Variants in ADARB1 observed in about 807,000 individuals in gnomAD.
ADARB1 encodes double-stranded RNA-specific editase 1.
A neutral mutation model predicts 52.4 loss-of-function variants in ADARB1; 10 were observed. The ratio of observed to expected loss-of-function variants is 0.19; its 90% CI spans 0.12 to 0.32. The LOEUF (loss-of-function observed/expected upper bound fraction) is 0.32, where lower values mean the gene tolerates loss of function less well. Among genes scored for constraint, ADARB1 ranks in the 10% least tolerant of loss-of-function variants. The probability of loss-of-function intolerance (pLI) is 1.00; values close to 1 mark genes in which losing one functional copy is unlikely to be tolerated. For synonymous variants in ADARB1, 349 were observed against 371.1 expected (o/e 0.94, Z 0.68); for missense variants, 643 against 922.3 (o/e 0.70, Z 3.92).
In ADARB1 at chr21:45,224,462, G is replaced by A. The variant is rs2093021346; in HGVS notation, c.*2265G>A. 2 of 854,122 alleles carry A rather than the reference G, an allele frequency of 2.3e-6. No homozygotes were observed. Among genetic ancestry groups the A allele is most frequent in the African/African-American group, 8.9e-5 (2 of 22,422 alleles). The allele number at this position is 854,122 out of a possible 1,614,324, so 52.9% of individuals were successfully genotyped here. A position where few individuals can be genotyped will look rare whatever the true frequency, so the allele number is the denominator to read the frequency against. On this transcript the variant is annotated 3_prime_UTR_variant, in exon 11 of 11. Transcript: ENST00000348831. ...CCCAAGCCGTCCAGGCAGGAGGAAG[G>A]CAGCCAAGGCAACTGGGTTCTGGGA... is the stretch of plus-strand genomic sequence containing the variant.
At position 45,224,270 on chromosome 21, in the gene ADARB1, C is replaced by T. The variant is rs1345088486; in HGVS notation, c.*2073C>T. 3 of 985,222 alleles carry T rather than the reference C, an allele frequency of 3.0e-6. No individual in the cohort carries two copies. Among genetic ancestry groups the T allele is most frequent in the Non-Finnish European group, 3.6e-6 (3 of 829,926 alleles). 61.0% of individuals were successfully genotyped at this position (985,222 alleles called of 1,614,324 possible). A position where few individuals can be genotyped will look rare whatever the true frequency, so the allele number is the denominator to read the frequency against. On this transcript the variant is annotated 3_prime_UTR_variant, in exon 11 of 11. Transcript: ENST00000348831. ...AACTACCCGGTATGTCTGGCTTTTC[C>T]CTTCTGTCAGGTAATAGCTAAAGTC...
intron 1 of ADARB1, among the ~76,000 whole-genome samples, chr21:45,083,308 C>T (rs1021229348): frequency 2.6e-5 from 4 of 152,190 alleles, no homozygotes; most frequent in African/African-American, 4.8e-5. Flanking sequence ...CCTACACTGC[C>T]CCCCCATCCT....
At chr21:45,188,763 A>T (rs1474676977) in intron 8 of ADARB1, among the ~76,000 whole-genome samples, 2 of 151,836 alleles carry the variant, frequency 1.3e-5, no homozygotes, top group Non-Finnish European at 2.9e-5. Context: ...TTTTTCCCTT[A>T]TTCTCTTACT....
intron 1 of ADARB1, among the ~76,000 whole-genome samples, chr21:45,086,931 C>G (rs190855057): frequency 2.0e-5 from 3 of 152,324 alleles, no homozygotes; most frequent in Non-Finnish European, 4.4e-5. Flanking sequence ...TGAAGTCTGT[C>G]TCTGTGATGT....
At chr21:45,129,189 G>A (rs1032057926) in intron 2 of ADARB1, among the ~76,000 whole-genome samples, 19 of 151,754 alleles carry the variant, frequency 1.3e-4, no homozygotes, top group South Asian at 2.1e-4. Flanking sequence ...AGATCATGCC[G>A]TTGCATTCCA....
intron 8 of ADARB1, among the ~76,000 whole-genome samples, chr21:45,194,622 ATCT>A (rs1454313646): frequency 2.0e-5 from 3 of 151,678 alleles, no homozygotes; most frequent in Non-Finnish European, 4.4e-5. Flanking sequence ...GCAACAGCTA[ATCT>A]TCTTAATGTC....
rs1342334361 is a variant in ADARB1 at position 45,224,068 on chromosome 21, T to C, written c.*1871T>C. On this transcript the variant is annotated 3_prime_UTR_variant, in exon 11 of 11. Transcript: ENST00000348831. ...AGGAGAGGGGTCTGTTGTCGCTGGC[T>C]TTCCCCCAAGCAGGCTCTTGCACAC... 3 of 985,468 alleles carry C rather than the reference T, an allele frequency of 3.0e-6. No homozygotes were observed. The highest frequency in any genetic ancestry group is 3.6e-6 in the Non-Finnish European group (3 of 829,964). The allele number at this position is 985,468 out of a possible 1,614,324, so 61.0% of individuals were successfully genotyped here.
At chr21:45,151,678 G>A (rs990964031) in intron 2 of ADARB1, among the ~76,000 whole-genome samples, 1 of 152,190 alleles carries the variant, frequency 6.6e-6, no homozygotes, top group Non-Finnish European at 1.5e-5. Context: ...TAGACAAGAG[G>A]AGGCTGAGGG....
At chr21:45,167,012 A>T (rs531524157) in intron 2 of ADARB1, among the ~76,000 whole-genome samples, 1 of 152,326 alleles carries the variant, frequency 6.6e-6, no homozygotes, top group South Asian at 2.1e-4. Flanking sequence ...AGCTCTGTGA[A>T]ATGTGCTAAA....
chr21:45,105,471 A>G (rs996232194), intron 1 of ADARB1, among the ~76,000 whole-genome samples: 2 of 152,188 alleles, frequency 1.3e-5, no homozygotes, highest in Non-Finnish European at 2.9e-5. Flanking sequence ...ATTTTGGCCT[A>G]AGTATGATAC....
At chr21:45,207,729 TA>T (rs968931129) in intron 9 of ADARB1, among the ~76,000 whole-genome samples, 3 of 152,236 alleles carry the variant, frequency 2.0e-5, no homozygotes, top group Admixed American at 2.0e-4. Context: ...CATTTTATTA[TA>T]AAGGTCATTC....
At chr21:45,083,644 T>G (rs574992119) in intron 1 of ADARB1, among the ~76,000 whole-genome samples, 1 of 152,328 alleles carries the variant, frequency 6.6e-6, no homozygotes, top group Non-Finnish European at 1.5e-5. Context: ...GGCAGCCAAA[T>G]AAAATGAAAA....
intron 2 of ADARB1, among the ~76,000 whole-genome samples, chr21:45,133,857 G>A (rs1353173711): frequency 2.1e-5 from 3 of 140,466 alleles, no homozygotes; most frequent in Admixed American, 7.0e-5. Flanking sequence ...CCGGGTGTGC[G>A]CCCGACGGGG....
At chr21:45,123,367 G>C (rs1282790781) in intron 1 of ADARB1, among the ~76,000 whole-genome samples, 1 of 152,130 alleles carries the variant, frequency 6.6e-6, no homozygotes, top group Non-Finnish European at 1.5e-5. Flanking sequence ...GCAGTGGTGT[G>C]ATCACAGTTC....
At chr21:45,094,103 T>C (rs2123697110) in intron 1 of ADARB1, among the ~76,000 whole-genome samples, 1 of 152,332 alleles carries the variant, frequency 6.6e-6, no homozygotes, top group South Asian at 2.1e-4. Flanking sequence ...TTTCATAAGA[T>C]GGTTTTTTGA....
At chr21:45,138,846 G>A (rs1236074583) in intron 2 of ADARB1, among the ~76,000 whole-genome samples, 1 of 151,976 alleles carries the variant, frequency 6.6e-6, no homozygotes, top group Admixed American at 6.6e-5. Flanking sequence ...CTGCATGGAA[G>A]GCAGCAGAAG....
At chr21:45,133,558 G>A in intron 2 of ADARB1, 1 of 176,390 alleles carries the variant, frequency 5.7e-6, no homozygotes. Flanking sequence ...CATGTTCACA[G>A]TTCCTCCCGC....
At position 45,142,932 on chromosome 21, in the gene ADARB1, A is replaced by G. The variant is rs1374608016; in HGVS notation, c.-48+14359A>G. Reference sequence around the variant, plus strand: ...TTTACCAACACCATGGCCATGCTGCACAGCTGTGCAGCCTCCACCCACAAA... The same window carrying G: ...TTTACCAACACCATGGCCATGCTGCGCAGCTGTGCAGCCTCCACCCACAAA... On this transcript the variant is annotated intron_variant, in intron 2 of 10. Coordinates refer to ENST00000348831, the MANE Select transcript of ADARB1 (RefSeq NM_001112.4). This position sits in a 1 kb window ranked among gnomAD's most constrained non-coding sequence, Gnocchi z 4.0. Among the ~76,000 whole-genome samples the G allele has an allele frequency of 1.3e-5, 2 of 152,154 alleles. No individual in the cohort carries two copies. Among genetic ancestry groups the G allele is most frequent in the East Asian group, 3.9e-4 (2 of 5,188 alleles).
intron 8 of ADARB1, among the ~76,000 whole-genome samples, chr21:45,202,268 T>G (rs1303627549): frequency 1.3e-5 from 2 of 152,084 alleles, no homozygotes; most frequent in Non-Finnish European, 2.9e-5. Context: ...CTTCCAAAAG[T>G]GGATCCCAGG....
Sources: gnomAD v4.1 joint callset for allele counts (sites outside exome capture counted in the v4.1 genomes callset) on GRCh38, gnomAD v4.1.1 for gene constraint, Gnocchi (gnomAD v3.1) non-coding constraint, MANE v1.5 for transcripts, NCBI Gene and HGNC (gene_info 2026-07-23, HGNC 2026-07-21) for gene names.